RNF146: variants seen among roughly 807,000 people sequenced by gnomAD.
The protein encoded by RNF146 is E3 ubiquitin-protein ligase RNF146.
A neutral mutation model predicts 29.7 loss-of-function variants in RNF146; 11 were observed. The ratio of observed to expected loss-of-function variants is 0.37; its 90% CI spans 0.23 to 0.61. The LOEUF (loss-of-function observed/expected upper bound fraction) is 0.61. Ranked by LOEUF, RNF146 falls within the 20% of genes least tolerant of loss-of-function variation. The pLI is 0.66. For missense variants in RNF146, 342 were observed against 438.9 expected (o/e 0.78, Z 1.97); for synonymous variants, 150 against 159.7 (o/e 0.94, Z 0.46).
chr6:127,275,444 T>C (rs995518859), intron 1 of RNF146, among the ~76,000 whole-genome samples: 4 of 152,152 alleles, frequency 2.6e-5, no homozygotes, highest in Non-Finnish European at 5.9e-5. Flanking sequence ...TCCTTTGATA[T>C]TCTGTTCCTC....
chr6:127,267,221 C>G (rs542430799), intron 1 of RNF146: 1 of 152,432 alleles, frequency 6.6e-6, no homozygotes, highest in South Asian at 2.1e-4. Context: ...ACCGTGACAG[C>G]CCCTGCGCTG....
At chr6:127,276,849 A>G (rs1778277675) in intron 1 of RNF146, among the ~76,000 whole-genome samples, 1 of 152,088 alleles carries the variant, frequency 6.6e-6, no homozygotes, top group South Asian at 2.1e-4. Flanking sequence ...GGTGTTTCTC[A>G]GATTGTATTT....
rs1779575337 is a variant in RNF146 at position 127,286,761 on chromosome 6, C to G, written c.148C>G (p.Leu50Val). 1 of 1,613,242 alleles carries G rather than the reference C, an allele frequency of 6.2e-7. No individual in the cohort carries two copies. The highest frequency in any genetic ancestry group is 1.3e-5 in the African/African-American group (1 of 74,816). ...CLQTCVHPVS[L>V]PCKHVFCYLC... ...GCAAACATGTGTTCATCCAGTCAGT[C>G]TGCCCTGTAAGCACGTTTTCTGCTA... The change falls in exon 3 of 3, where the codon CTG (leucine) becomes GTG (valine). Residue 50 changes from leucine (L) to valine (V), a missense_variant. Physicochemically the swap from Leu to Val is conservative, Grantham distance 32. Coordinates refer to ENST00000368314, the MANE Select transcript of RNF146 (RefSeq NM_001242850.2). This position sits in a 1 kb window ranked among gnomAD's most constrained non-coding sequence, Gnocchi z 4.6.
At position 127,286,433 on chromosome 6, in the gene RNF146, T is replaced by C. The variant is rs761379325; in HGVS notation, c.3-183T>C. 15 of 713,412 alleles carry C rather than the reference T, an allele frequency of 2.1e-5. No individual in the cohort carries two copies. Among genetic ancestry groups the C allele is most frequent in the Non-Finnish European group, 3.3e-5 (15 of 448,222 alleles). The allele number at this position is 713,412 out of a possible 1,614,324, so 44.2% of individuals were successfully genotyped here. On this transcript the variant is annotated intron_variant, in intron 2 of 2. Transcript: ENST00000368314. This position sits in a 1 kb window ranked among gnomAD's most constrained non-coding sequence, Gnocchi z 4.6. ...CATTCCCAAGGTATGTACAAGTAGA[T>C]GCTTACAAAAAATTTTCATCGGTTG...
chr6:127,274,580 A>T (rs547170813), intron 1 of RNF146, among the ~76,000 whole-genome samples: 1 of 152,344 alleles, frequency 6.6e-6, no homozygotes, highest in Admixed American at 6.5e-5. Context: ...AAGTACAAAT[A>T]GTGATTGAAC....
chr6:127,282,947 TTTTATTGCAAGCTAAAAA>T (rs1312965836), intron 2 of RNF146, among the ~76,000 whole-genome samples: 3 of 151,810 alleles, frequency 2.0e-5, no homozygotes, highest in Non-Finnish European at 2.9e-5. Flanking sequence ...TATTTGGAGT[TTTTATTGCAAGCTAAAAA>T]TTTCTTGAAT....
chr6:127,284,691 A>G (rs776558245), intron 2 of RNF146, among the ~76,000 whole-genome samples: 7 of 151,900 alleles, frequency 4.6e-5, no homozygotes, highest in African/African-American at 7.2e-5. Context: ...TTCAAGTTAC[A>G]AGATCTTTGA....
intron 1 of RNF146, among the ~76,000 whole-genome samples, chr6:127,268,833 G>C (rs768850858): frequency 2.0e-5 from 3 of 152,032 alleles, no homozygotes; most frequent in Non-Finnish European, 4.4e-5. Flanking sequence ...AACCTAACTT[G>C]TCAGAGGAAA....
chr6:127,278,858 T>C (rs773862030), intron 1 of RNF146, among the ~76,000 whole-genome samples: 9 of 152,022 alleles, frequency 5.9e-5, no homozygotes, highest in Non-Finnish European at 8.8e-5. Context: ...AGATGTATCA[T>C]TGTGATTTTG....
chr6:127,280,427 G>A (rs1778776086), intron 2 of RNF146, 87 bp downstream of exon 2: 2 of 1,457,268 alleles, frequency 1.4e-6, no homozygotes, highest in South Asian at 1.3e-5. Flanking sequence ...TCTGTCATAT[G>A]TAGTTTTAAT....
At chr6:127,276,408 G>C (rs1208182956) in intron 1 of RNF146, among the ~76,000 whole-genome samples, 1 of 151,884 alleles carries the variant, frequency 6.6e-6, no homozygotes, top group East Asian at 1.9e-4. Flanking sequence ...TGAGAGAAAG[G>C]ACTTTCTCTT....
chr6:127,285,387 A>T, intron 2 of RNF146: 5 of 970,614 alleles, frequency 5.2e-6, no homozygotes, highest in Non-Finnish European at 4.9e-6. Flanking sequence ...GTAACTACTG[A>T]CCCATTTAGA....
intron 1 of RNF146, among the ~76,000 whole-genome samples, chr6:127,279,620 G>T (rs1778681491): frequency 6.6e-6 from 1 of 151,654 alleles, no homozygotes; most frequent in South Asian, 2.1e-4. Context: ...TTCCATTTCT[G>T]CAAAAAAGGT....
At chr6:127,273,944 TGAA>T (rs1777844383) in intron 1 of RNF146, among the ~76,000 whole-genome samples, 1 of 152,142 alleles carries the variant, frequency 6.6e-6, no homozygotes, top group Non-Finnish European at 1.5e-5. Context: ...TTCTTTCTGT[TGAA>T]GGAGAAAGTT....
intron 1 of RNF146, among the ~76,000 whole-genome samples, chr6:127,279,592 T>A (rs1054040837): frequency 6.6e-6 from 1 of 151,882 alleles, no homozygotes; most frequent in African/African-American, 2.4e-5. Context: ...CAATTCCATA[T>A]GAATTTGAGG....
rs763812686 is a variant in RNF146, at chr6:127,286,850, C to G, written c.237C>G (p.Pro79=). 43 of 1,612,970 alleles carry G rather than the reference C, an allele frequency of 2.7e-5. No homozygotes were observed. Among genetic ancestry groups the G allele is most frequent in the Admixed American group, 1.5e-4 (9 of 59,796 alleles). The change falls in exon 3 of 3, where the codon CCC becomes CCG. Residue 79 remains proline (P), a synonymous_variant. Coordinates refer to ENST00000368314, the MANE Select transcript of RNF146 (RefSeq NM_001242850.2). The surrounding 1 kb of genome is among the most constrained non-coding windows in gnomAD (Gnocchi z 4.6). ...KRCALCRQEI[P]EDFLDKPTLL... is the part of the protein sequence containing the mutation. ...GTGCTCTTTGTCGACAAGAAATTCC[C>G]GAGGATTTCCTTGACAAGCCAACCT...
chr6:127,275,022 G>A (rs1029058963), intron 1 of RNF146, among the ~76,000 whole-genome samples: 4 of 152,154 alleles, frequency 2.6e-5, no homozygotes, highest in African/African-American at 9.7e-5. Context: ...TGGGTAAAGG[G>A]TAGAATGTCT....
chr6:127,266,701 T>G (rs2114377157), upstream of RNF146: 1 of 152,190 alleles, frequency 6.6e-6, no homozygotes, highest in African/African-American at 2.4e-5. Flanking sequence ...AAGTCGCCGC[T>G]CCCCACAGGC....
At chr6:127,285,414 G>A (rs1458194648) in intron 2 of RNF146, 1 of 814,416 alleles carries the variant, frequency 1.2e-6, no homozygotes, top group Admixed American at 6.3e-5. Flanking sequence ...GAATTAGCTG[G>A]CAGAGAGATT....
Sources: gnomAD v4.1 joint callset for allele counts (sites outside exome capture counted in the v4.1 genomes callset) on GRCh38, gnomAD v4.1.1 for gene constraint, Gnocchi (gnomAD v3.1) non-coding constraint, MANE v1.5 for transcripts, NCBI Gene and HGNC (gene_info 2026-07-23, HGNC 2026-07-21) for gene names.